CWC27: variants seen among roughly 807,000 people sequenced by gnomAD.
The protein encoded by CWC27 is CWC27 spliceosome associated cyclophilin.
A neutral mutation model predicts 63.6 loss-of-function variants in CWC27; 47 were observed. The ratio of observed to expected loss-of-function variants is 0.74; its 90% CI spans 0.58 to 0.94. The LOEUF (loss-of-function observed/expected upper bound fraction) is 0.94, where lower values mean the gene tolerates loss of function less well. Ranked by LOEUF, CWC27 falls within the 40% of genes least tolerant of loss-of-function variation. CWC27 has a pLI of 0.00. For synonymous variants in CWC27, 175 were observed against 179.8 expected (o/e 0.97, Z 0.22); for missense variants, 495 against 554.3 (o/e 0.89, Z 1.07).
rs1330746787 is a variant in CWC27 at position 64,967,325 on chromosome 5, T to C, written c.1043-4378T>C. 2.6e-5 allele frequency among the ~76,000 whole-genome samples: 4 copies of C among 152,020 alleles called. No homozygotes were observed. In the East Asian group the frequency reaches 7.7e-4, roughly 29 times the overall value. On this transcript the variant is annotated intron_variant, in intron 11 of 13. Transcript: ENST00000381070. ...TTAAGTCAGTAAAACTTTGATAGATTCACTATTGTTAAGATTGCAGTTCTC... is the reference window on the plus strand; with the variant it reads ...TTAAGTCAGTAAAACTTTGATAGATCCACTATTGTTAAGATTGCAGTTCTC...
At chr5:64,924,968 C>T (rs937017731) in intron 11 of CWC27, among the ~76,000 whole-genome samples, 2 of 151,774 alleles carry the variant, frequency 1.3e-5, no homozygotes, top group Non-Finnish European at 2.9e-5. Context: ...CACACACACA[C>T]ACACACACAC....
At chr5:64,803,833 A>G (rs991874223) in intron 9 of CWC27, among the ~76,000 whole-genome samples, 5 of 151,864 alleles carry the variant, frequency 3.3e-5, no homozygotes, top group African/African-American at 1.2e-4. Context: ...TCTGCACTAC[A>G]CCTCTTCTAC....
chr5:64,900,997 G>T (rs371842136), intron 11 of CWC27, among the ~76,000 whole-genome samples: 4 of 150,164 alleles, frequency 2.7e-5, no homozygotes, highest in Admixed American at 6.6e-5. Flanking sequence ...ACTTTTTTGT[G>T]ATTTTTTTTT....
chr5:64,814,475 C>G (rs901417168), intron 10 of CWC27, among the ~76,000 whole-genome samples: 2 of 152,148 alleles, frequency 1.3e-5, no homozygotes, highest in African/African-American at 2.4e-5. Flanking sequence ...GGGTCAGACA[C>G]TTTGCTAAAT....
chr5:64,893,525 C>T (rs1747292973), intron 11 of CWC27, among the ~76,000 whole-genome samples: 1 of 152,174 alleles, frequency 6.6e-6, no homozygotes, highest in South Asian at 2.1e-4. Flanking sequence ...TGCACATAAA[C>T]TCCAGGCAGA....
chr5:64,812,464 AT>A (rs1371708376), intron 10 of CWC27, among the ~76,000 whole-genome samples: 1 of 152,178 alleles, frequency 6.6e-6, no homozygotes, highest in Non-Finnish European at 1.5e-5. Context: ...TCCAAGATCT[AT>A]ATACTGGGTA....
At chr5:64,862,178 C>T (rs1746427697) in intron 10 of CWC27, among the ~76,000 whole-genome samples, 1 of 151,112 alleles carries the variant, frequency 6.6e-6, no homozygotes, top group Admixed American at 6.6e-5. Flanking sequence ...GCCAAAGAGC[C>T]AGGCTGAGTC....
rs187214452 is a variant in CWC27, at chr5:64,887,126, G to A, written c.1042+1580G>A. The stretch of plus-strand genomic sequence containing the variant: ...ATGTCTTAAACACTATGCTGGATTA[G>A]GAGTGTAACACTGTGACTTATAGTT... On this transcript the variant is annotated intron_variant, in intron 11 of 13. Transcript: ENST00000381070. Among the ~76,000 whole-genome samples, 582 of 151,934 alleles carry A rather than the reference G, an allele frequency of 3.8e-3. 2 individuals are homozygous for A. Among genetic ancestry groups the A allele is most frequent in the African/African-American group, 0.012 (502 of 41,454 alleles).
At chr5:64,855,844 G>A (rs775895764) in intron 10 of CWC27, among the ~76,000 whole-genome samples, 1 of 152,044 alleles carries the variant, frequency 6.6e-6, no homozygotes, top group Middle Eastern at 3.4e-3. Context: ...TTTTTTATTT[G>A]GACATTTCCC....
intron 12 of CWC27, among the ~76,000 whole-genome samples, chr5:64,973,505 C>T (rs999774879): frequency 4.6e-5 from 7 of 152,190 alleles, no homozygotes; most frequent in East Asian, 1.9e-4. Context: ...GTTGGCCATT[C>T]GTTCTTTCAG....
At chr5:64,997,755 GGAACATT>G (rs1216927994) in intron 13 of CWC27, among the ~76,000 whole-genome samples, 1 of 152,082 alleles carries the variant, frequency 6.6e-6, no homozygotes, top group East Asian at 1.9e-4. Context: ...CACAGATAAA[GGAACATT>G]CATTGTAAAT....
At chr5:64,805,579 G>T (rs1450725513) in intron 10 of CWC27, among the ~76,000 whole-genome samples, 1 of 151,606 alleles carries the variant, frequency 6.6e-6, no homozygotes, top group Non-Finnish European at 1.5e-5. Flanking sequence ...TAAAGGTTAG[G>T]TTTATAATGT....
intron 10 of CWC27, among the ~76,000 whole-genome samples, chr5:64,845,700 A>T (rs1332220951): frequency 6.6e-6 from 1 of 152,228 alleles, no homozygotes; most frequent in Non-Finnish European, 1.5e-5. Flanking sequence ...GAAAGACAAA[A>T]GAGTGAAAAA....
At chr5:64,817,545 A>G (rs1229433272) in intron 10 of CWC27, among the ~76,000 whole-genome samples, 1 of 152,150 alleles carries the variant, frequency 6.6e-6, no homozygotes, top group East Asian at 1.9e-4. Context: ...TTAATCTTCT[A>G]AATGAGTGGA....
intron 13 of CWC27, among the ~76,000 whole-genome samples, chr5:64,995,953 C>G (rs1749623168): frequency 1.3e-5 from 2 of 152,078 alleles, no homozygotes. Flanking sequence ...GAATTGCAGC[C>G]CCAGTGCCAA....
intron 13 of CWC27, among the ~76,000 whole-genome samples, chr5:65,002,838 G>A (rs750171853): frequency 4.6e-5 from 7 of 152,014 alleles, no homozygotes; most frequent in African/African-American, 1.7e-4. Flanking sequence ...CAATGATTCC[G>A]TATTCATTTT....
chr5:64,875,468 G>A (rs1379719824), intron 10 of CWC27, among the ~76,000 whole-genome samples: 1 of 152,106 alleles, frequency 6.6e-6, no homozygotes, highest in Middle Eastern at 3.4e-3. Flanking sequence ...ACTAAAATAA[G>A]GTAGGTTCTC....
intron 11 of CWC27, among the ~76,000 whole-genome samples, chr5:64,943,394 T>C (rs1748529094): frequency 6.6e-6 from 1 of 152,246 alleles, no homozygotes; most frequent in South Asian, 2.1e-4. Context: ...GTGAAGTTCC[T>C]TGCATTTCAA....
At chr5:64,934,639 A>G (rs1748307628) in intron 11 of CWC27, among the ~76,000 whole-genome samples, 1 of 152,146 alleles carries the variant, frequency 6.6e-6, no homozygotes, top group African/African-American at 2.4e-5. Context: ...TGCTGGGTCA[A>G]ATGGTATTTC....
Sources: gnomAD v4.1 joint callset for allele counts (sites outside exome capture counted in the v4.1 genomes callset) on GRCh38, gnomAD v4.1.1 for gene constraint, MANE v1.5 for transcripts, NCBI Gene and HGNC (gene_info 2026-07-23, HGNC 2026-07-21) for gene names.